The following KDM4C variants were observed in gnomAD, a reference collection of about 807,000 sequenced individuals.
KDM4C encodes lysine demethylase 4C, also known as lysine-specific demethylase 4C.
In KDM4C, 81 loss-of-function variants were observed where a neutral mutation model predicts 129.3. The ratio of observed to expected loss-of-function variants is 0.63; its 90% CI spans 0.52 to 0.75. The LOEUF (loss-of-function observed/expected upper bound fraction) is 0.75, where lower values mean the gene tolerates loss of function less well. Ranked by LOEUF, KDM4C falls within the 30% of genes least tolerant of loss-of-function variation. KDM4C has a pLI of 0.00. For synonymous variants in KDM4C, 573 were observed against 456.1 expected (o/e 1.26, Z -3.26); for missense variants, 1,457 against 1,304.0 (o/e 1.12, Z -1.81).
At chr9:7,110,724 A>G (rs548641790) in intron 18 of KDM4C, among the ~76,000 whole-genome samples, 47 of 152,288 alleles carry the variant, frequency 3.1e-4, no homozygotes, top group Middle Eastern at 3.4e-3. Flanking sequence ...AATATTTTAA[A>G]CCTATTGAAG....
chr9:7,046,727 G>T, intron 15 of KDM4C, 135 bp from the exon 16 acceptor site: 2 of 709,908 alleles, frequency 2.8e-6, no homozygotes, highest in Non-Finnish European at 5.1e-6. Context: ...ACTTCTCAGA[G>T]ATAGACCTTC....
intron 5 of KDM4C, among the ~76,000 whole-genome samples, chr9:6,861,522 A>G (rs576359154): frequency 1.3e-5 from 2 of 152,318 alleles, no homozygotes; most frequent in East Asian, 3.9e-4. Context: ...TGCTTATTAG[A>G]AATGTTCAGC....
At chr9:6,916,251 A>T (rs1820290667) in intron 8 of KDM4C, among the ~76,000 whole-genome samples, 1 of 151,942 alleles carries the variant, frequency 6.6e-6, no homozygotes, top group African/African-American at 2.4e-5. Context: ...GACCTTTTTT[A>T]TTCTGAGTGA....
intron 1 of KDM4C, among the ~76,000 whole-genome samples, chr9:6,772,492 G>A (rs1352174952): frequency 3.3e-5 from 5 of 152,082 alleles, no homozygotes; most frequent in Admixed American, 6.6e-5. Context: ...CTCCCAAGTA[G>A]GTGGGATTAC....
chr9:6,831,003 A>G (rs1484946519), intron 4 of KDM4C, among the ~76,000 whole-genome samples: 5 of 152,234 alleles, frequency 3.3e-5, no homozygotes, highest in Admixed American at 3.3e-4. Context: ...GTGGTTAAGA[A>G]AAGGCTCAAG....
intron 15 of KDM4C, among the ~76,000 whole-genome samples, chr9:7,016,349 G>A (rs1466988259): frequency 2.0e-5 from 3 of 150,106 alleles, no homozygotes; most frequent in African/African-American, 4.9e-5. Context: ...GGATGGTCTC[G>A]ATCTCCTGAC....
intron 5 of KDM4C, among the ~76,000 whole-genome samples, chr9:6,868,077 A>G (rs1307532812): frequency 6.6e-6 from 1 of 152,162 alleles, no homozygotes; most frequent in East Asian, 1.9e-4. Context: ...CAGAGCTGAT[A>G]TGGATGAAAT....
intron 12 of KDM4C, among the ~76,000 whole-genome samples, chr9:6,998,821 AAACAAC>A (rs747457121): frequency 3.3e-5 from 5 of 152,076 alleles, no homozygotes; most frequent in East Asian, 1.9e-4. Context: ...ACCAACAAAC[AAACAAC>A]AACAACAACA....
chr9:7,017,614 A>T (rs1267512024), intron 15 of KDM4C, among the ~76,000 whole-genome samples: 1 of 152,168 alleles, frequency 6.6e-6, no homozygotes, highest in Non-Finnish European at 1.5e-5. Flanking sequence ...TTGTCTTTCA[A>T]GAGGAATCAG....
Position 6,980,918 on chromosome 9 carries a change from G to A in KDM4C, c.922-7G>A. The A allele has an allele frequency of 6.2e-7, 1 of 1,613,244 alleles. No homozygotes were observed. Among genetic ancestry groups the A allele is most frequent in the Non-Finnish European group, 8.5e-7 (1 of 1,179,492 alleles). On this transcript the variant is annotated splice_region_variant and splice_polypyrimidine_tract_variant and intron_variant, in intron 8 of 21. Coordinates refer to ENST00000381309, the MANE Select transcript of KDM4C (RefSeq NM_015061.6). ...GTTTAACACTCTCCAACCCGGTTGT[G>A]TTTCAGTGCACTTGCAGGAAAGACA...
At chr9:6,839,727 C>T (rs1836566749) in intron 4 of KDM4C, among the ~76,000 whole-genome samples, 1 of 151,870 alleles carries the variant, frequency 6.6e-6, no homozygotes, top group African/African-American at 2.4e-5. Flanking sequence ...ATGGTGAAAC[C>T]CTGTCTCTAC....
intron 8 of KDM4C, chr9:6,942,322 T>TG (rs1589229348): frequency 1.3e-5 from 2 of 148,760 alleles, no homozygotes; most frequent in Non-Finnish European, 1.5e-5. Flanking sequence ...TGTGTGTGTG[T>TG]TTAATCCTCC....
intron 8 of KDM4C, among the ~76,000 whole-genome samples, chr9:6,944,634 C>CT (rs1826549696): frequency 8.2e-6 from 1 of 121,898 alleles, no homozygotes. Context: ...CAGCAACACA[C>CT]TTTTTGTCAA....
rs1412595433 is a variant in KDM4C, at chr9:6,834,294, C to T, written c.436-15213C>T. On this transcript the variant is annotated intron_variant, in intron 4 of 21. Coordinates refer to ENST00000381309, the MANE Select transcript of KDM4C (RefSeq NM_015061.6). ...TCAAGCAATCTGCTCGCCTTGGCCTCCCAAAGTGCTGAGATTACAGCATGA... is the reference window on the plus strand; with the variant it reads ...TCAAGCAATCTGCTCGCCTTGGCCTTCCAAAGTGCTGAGATTACAGCATGA... Among the ~76,000 whole-genome samples the T allele has an allele frequency of 2.6e-5, 4 of 152,046 alleles. No homozygotes were observed. The East Asian group carries it at 5.8e-4, about 22-fold the overall frequency.
At chr9:7,028,996 A>G (rs975972552) in intron 15 of KDM4C, among the ~76,000 whole-genome samples, 2 of 152,140 alleles carry the variant, frequency 1.3e-5, no homozygotes, top group Admixed American at 6.5e-5. Context: ...GTTAAAAACC[A>G]GGTACTGTGG....
At chr9:6,907,477 A>G (rs1416959396) in intron 8 of KDM4C, among the ~76,000 whole-genome samples, 4 of 152,210 alleles carry the variant, frequency 2.6e-5, no homozygotes, top group African/African-American at 9.6e-5. Context: ...GCTCTGGACC[A>G]ATGTCTAAAT....
chr9:6,865,912 C>G (rs1420984137), intron 5 of KDM4C, among the ~76,000 whole-genome samples: 1 of 151,994 alleles, frequency 6.6e-6, no homozygotes, highest in Admixed American at 6.6e-5. Flanking sequence ...CACCACCATG[C>G]CTGGCTAATT....
At chr9:7,071,362 T>C (rs1467198616) in intron 17 of KDM4C, among the ~76,000 whole-genome samples, 1 of 152,148 alleles carries the variant, frequency 6.6e-6, no homozygotes, top group Non-Finnish European at 1.5e-5. Flanking sequence ...AACAACAAAA[T>C]TGGATGAATC....
intron 6 of KDM4C, among the ~76,000 whole-genome samples, chr9:6,887,245 T>C (rs949563061): frequency 3.9e-5 from 6 of 152,258 alleles, no homozygotes; most frequent in Non-Finnish European, 5.9e-5. Context: ...AATGAGAGTC[T>C]GCCTCAGACA....
Sources: gnomAD v4.1 joint callset for allele counts (sites outside exome capture counted in the v4.1 genomes callset) on GRCh38, gnomAD v4.1.1 for gene constraint, MANE v1.5 for transcripts, NCBI Gene and HGNC (gene_info 2026-07-23, HGNC 2026-07-21) for gene names.